The following PRKCH variants were observed in gnomAD, a reference collection of about 807,000 sequenced individuals.
The protein encoded by PRKCH is protein kinase C eta.
Under a neutral mutation model 82.5 loss-of-function variants are expected in PRKCH, and 28 were observed. The ratio of observed to expected loss-of-function variants is 0.34; its 90% CI spans 0.25 to 0.47. The LOEUF is 0.47. Ranked by LOEUF, PRKCH falls within the 20% of genes least tolerant of loss-of-function variation. The probability of loss-of-function intolerance (pLI) is 1.00; values close to 1 mark genes in which losing one functional copy is unlikely to be tolerated. For synonymous variants in PRKCH, 322 were observed against 327.4 expected (o/e 0.98, Z 0.18); for missense variants, 705 against 881.8 (o/e 0.80, Z 2.54).
intron 9 of PRKCH, among the ~76,000 whole-genome samples, chr14:61,460,781 T>C (rs1022504126): frequency 2.6e-5 from 4 of 152,190 alleles, no homozygotes; most frequent in Non-Finnish European, 5.9e-5. Context: ...TGGCATGCTC[T>C]CTGTCATTTG....
chr14:61,317,252 T>G (rs141605641), upstream of PRKCH, among the ~76,000 whole-genome samples: 108 of 152,278 alleles, frequency 7.1e-4, 1 homozygote, highest in African/African-American at 2.6e-3. Context: ...GATTCCATCT[T>G]CTTCCTCAGC....
At chr14:61,294,653 A>G (rs1455693258) in intron 1 of PRKCH, among the ~76,000 whole-genome samples, 1 of 152,064 alleles carries the variant, frequency 6.6e-6, no homozygotes, top group Non-Finnish European at 1.5e-5. Context: ...AGACCTATTT[A>G]CTGTCATAAT....
intron 1 of PRKCH, among the ~76,000 whole-genome samples, chr14:61,199,250 G>C (rs1490223415): frequency 6.6e-6 from 1 of 152,152 alleles, no homozygotes; most frequent in Non-Finnish European, 1.5e-5. Context: ...AAGAACTCTT[G>C]CATAGATTTA....
chr14:61,269,492 T>C (rs114135878), intron 1 of PRKCH, among the ~76,000 whole-genome samples: 2,708 of 152,262 alleles, frequency 0.018, 98 homozygotes, highest in African/African-American at 0.062. Flanking sequence ...ATTGGCTATT[T>C]TTCCTGATCC....
chr14:61,244,366 A>G (rs1455357514), intron 1 of PRKCH, among the ~76,000 whole-genome samples: 1 of 152,224 alleles, frequency 6.6e-6, no homozygotes, highest in Non-Finnish European at 1.5e-5. Flanking sequence ...CAGGGACCCC[A>G]ACCTGAAACG....
At chr14:61,465,305 G>A (rs77074148) in intron 9 of PRKCH, among the ~76,000 whole-genome samples, 3,614 of 152,294 alleles carry the variant, frequency 0.024, 159 homozygotes, top group African/African-American at 0.082. Context: ...GCCTATGCCT[G>A]TGTCACAGAT....
At chr14:61,362,307 T>A (rs1594946495) in intron 1 of PRKCH, among the ~76,000 whole-genome samples, 1 of 145,984 alleles carries the variant, frequency 6.9e-6, no homozygotes, top group African/African-American at 2.6e-5. Flanking sequence ...CATCACTGCA[T>A]TCCAGACTGG....
At position 61,321,992 on chromosome 14, in the gene PRKCH, A is replaced by G; in HGVS notation, c.-110A>G. The G allele has an allele frequency of 8.1e-7, 1 of 1,236,068 alleles. No homozygotes were observed. The highest frequency in any genetic ancestry group is 2.6e-5 in the East Asian group (1 of 38,338). 76.6% of individuals were successfully genotyped at this position (1,236,068 alleles called of 1,614,324 possible). A position where few individuals can be genotyped will look rare whatever the true frequency, so the allele number is the denominator to read the frequency against. On this transcript the variant is annotated 5_prime_UTR_variant, in exon 1 of 14. Coordinates refer to ENST00000332981, the MANE Select transcript of PRKCH (RefSeq NM_006255.5). The surrounding 1 kb of genome is among the most constrained non-coding windows in gnomAD (Gnocchi z 4.1). The stretch of plus-strand genomic sequence containing the variant: ...GGGCGCTTAGGCGCTGCCTTTCCCC[A>G]GGGCTGCCTCGACTCCTGCACCTGT...
chr14:61,316,320 GT>G (rs1463394417), intron 1 of PRKCH, among the ~76,000 whole-genome samples: 2 of 152,162 alleles, frequency 1.3e-5, no homozygotes, highest in Admixed American at 1.3e-4. Flanking sequence ...TGGGAGTTGT[GT>G]GAAATGTTCC....
rs574505377 is a variant in PRKCH at position 61,386,129 on chromosome 14, A to G, written c.364-5096A>G. Among the ~76,000 whole-genome samples the G allele has an allele frequency of 1.3e-3, 204 of 152,332 alleles. 1 individual carries two copies. Among genetic ancestry groups the G allele is most frequent in the South Asian group, 4.8e-3 (23 of 4,824 alleles). On this transcript the variant is annotated intron_variant, in intron 1 of 13. Transcript: ENST00000332981. ...ATGCGTTTGGTTGCTCTCTCAGAAT[A>G]AATGAAATAACATACCTCCCTGGAG...
intron 4 of PRKCH, among the ~76,000 whole-genome samples, chr14:61,447,861 A>G (rs1335399204): frequency 6.6e-6 from 1 of 152,232 alleles, no homozygotes; most frequent in Non-Finnish European, 1.5e-5. Flanking sequence ...TAAAACCAAG[A>G]TTCGAAATTT....
At chr14:61,388,845 G>A (rs1427252025) in intron 1 of PRKCH, among the ~76,000 whole-genome samples, 1 of 152,172 alleles carries the variant, frequency 6.6e-6, no homozygotes, top group Non-Finnish European at 1.5e-5. Context: ...ACAGGGAGGT[G>A]ATTTATAGTG....
chr14:61,449,906 G>C (rs890428357), intron 5 of PRKCH, among the ~76,000 whole-genome samples: 35 of 148,086 alleles, frequency 2.4e-4, no homozygotes, highest in African/African-American at 7.6e-4. Context: ...CTCTCTGTGT[G>C]TGTGTGTGTG....
At chr14:61,289,050 A>G (rs17733808) in intron 1 of PRKCH, among the ~76,000 whole-genome samples, 6,478 of 152,210 alleles carry the variant, frequency 0.043, 173 homozygotes, top group African/African-American at 0.068. Flanking sequence ...TTGCACCTCC[A>G]TATCTTGGCT....
At chr14:61,449,015 G>A in intron 4 of PRKCH, 149 bp from the exon 5 acceptor site, 1 of 666,622 alleles carries the variant, frequency 1.5e-6, no homozygotes, top group Non-Finnish European at 2.7e-6. Flanking sequence ...GGTGGCGAAG[G>A]CAATAGGAAG....
At chr14:61,433,043 C>CAAAA (rs34477992) in intron 2 of PRKCH, among the ~76,000 whole-genome samples, 9 of 110,966 alleles carry the variant, frequency 8.1e-5, no homozygotes, top group African/African-American at 2.2e-4. Context: ...CCAACCTCTT[C>CAAAA]AAAAAAAAAA....
At chr14:61,452,517 C>A (rs1028527340) in intron 6 of PRKCH, among the ~76,000 whole-genome samples, 1 of 152,152 alleles carries the variant, frequency 6.6e-6, no homozygotes, top group Non-Finnish European at 1.5e-5. Flanking sequence ...CTTCATTGTC[C>A]CCAGGCAGCT....
intron 1 of PRKCH, among the ~76,000 whole-genome samples, chr14:61,272,417 G>A (rs1164656502): frequency 7.1e-6 from 1 of 140,678 alleles, no homozygotes; most frequent in East Asian, 2.2e-4. Flanking sequence ...GCAGTGGCAC[G>A]GTCTAGGCTC....
At chr14:61,481,157 T>G (rs1209136267) in intron 9 of PRKCH, among the ~76,000 whole-genome samples, 1 of 151,932 alleles carries the variant, frequency 6.6e-6, no homozygotes, top group Non-Finnish European at 1.5e-5. Flanking sequence ...CAGTGTGGAG[T>G]CATATTAGTT....
Sources: gnomAD v4.1 joint callset for allele counts (sites outside exome capture counted in the v4.1 genomes callset) on GRCh38, gnomAD v4.1.1 for gene constraint, Gnocchi (gnomAD v3.1) non-coding constraint, MANE v1.5 for transcripts, NCBI Gene and HGNC (gene_info 2026-07-23, HGNC 2026-07-21) for gene names.